Variants in AIRE observed in about 807,000 individuals in gnomAD.
The protein encoded by AIRE is autoimmune regulator.
Under a neutral mutation model 62.1 loss-of-function variants are expected in AIRE, and 52 were observed. That is an observed-to-expected ratio of 0.84 (90% CI 0.67 to 1.06). The LOEUF (loss-of-function observed/expected upper bound fraction) is 1.06. Ranked by LOEUF, AIRE falls within the 50% of genes least tolerant of loss-of-function variation. The probability of loss-of-function intolerance (pLI) is 0.00; values close to 1 mark genes in which losing one functional copy is unlikely to be tolerated. For missense variants in AIRE, 774 were observed against 755.8 expected, an observed-to-expected ratio of 1.02 and a Z score of -0.28; for synonymous variants, 342 against 321.6, an observed-to-expected ratio of 1.06 and a Z score of -0.68.
intron 7 of AIRE, chr21:44,290,709 A>G (rs1394519861): frequency 7.4e-7 from 1 of 1,350,570 alleles, no homozygotes; most frequent in Non-Finnish European, 9.8e-7. Context: ...CAGGCAGGGC[A>G]CAAGGACGGT....
At position 44,286,897 on chromosome 21, in the gene AIRE, C is replaced by T; in HGVS notation, c.308-81C>T. 1 of 1,601,090 alleles carries T rather than the reference C, an allele frequency of 6.2e-7. No individual in the cohort carries two copies. Among genetic ancestry groups the T allele is most frequent in the Non-Finnish European group, 8.5e-7 (1 of 1,170,624 alleles). ...AGGGGCCAGGCCTCACCTGTCTGGC[C>T]AAGGTGTCCAGTTCTGGGGCCCACC... On this transcript the variant is annotated intron_variant, in intron 2 of 13. Transcript: ENST00000291582. The surrounding 1 kb of genome is among the most constrained non-coding windows in gnomAD (Gnocchi z 6.0).
Position 44,293,822 on chromosome 21 carries a change from GGAGAT to G in AIRE, c.1314_1318del (p.Asp439TyrfsTer63). The G allele has an allele frequency of 6.3e-7, 1 of 1,596,824 alleles. No homozygotes were observed. Among genetic ancestry groups the G allele is most frequent in the Non-Finnish European group, 8.5e-7 (1 of 1,179,588 alleles). The stretch of plus-strand genomic sequence containing the variant: ...TCCTGGTGCGCGTTGCGGGGTGTGC[GGAGAT>G]GGTACGGACGTGCTGCGGTGTACTC... On this transcript the variant is annotated frameshift_variant, in exon 11 of 14. Coordinates refer to ENST00000291582, the MANE Select transcript of AIRE (RefSeq NM_000383.4). LOFTEE classifies it high-confidence loss of function.
intron 9 of AIRE, 63 bp downstream of exon 9, chr21:44,292,464 A>C: frequency 8.7e-7 from 1 of 1,143,074 alleles, no homozygotes; most frequent in Non-Finnish European, 1.2e-6. Flanking sequence ...GCCCCCTCCT[A>C]GGCTGGGCCA....
At chr21:44,290,837 G>A in intron 7 of AIRE, 1 of 1,579,598 alleles carries the variant, frequency 6.3e-7, no homozygotes, top group African/African-American at 1.3e-5. Flanking sequence ...CGGGGCCCCT[G>A]GAACGCAGCA....
Position 44,292,390 on chromosome 21 carries a change from G to T in AIRE, c.1084G>T (p.Val362Leu), listed in dbSNP as rs763954225. 26 of 1,554,024 alleles carry T rather than the reference G, an allele frequency of 1.7e-5. No homozygotes were observed. The highest frequency in any genetic ancestry group is 1.8e-4 in the Middle Eastern group (1 of 5,608). ...GGAGCCCCGGCCCCAGGAGCCACCCGTGGAGACCCCGGTATGGCCACGCCC... is the reference window on the plus strand; with the variant it reads ...GGAGCCCCGGCCCCAGGAGCCACCCTTGGAGACCCCGGTATGGCCACGCCC... ...AEEPRPQEPP[V>L]ETPLPPGLRS... Residue 362 changes from valine (V) to leucine (L), a missense_variant, in exon 9 of 14, where the codon GTG becomes TTG. Val to Leu is a conservative substitution (Grantham distance 32, BLOSUM62 1). Around this residue, in one of 3 missense-constraint regions of AIRE, gnomAD observed 354 missense variants for 296.1 expected, o/e 1.20. Coordinates refer to ENST00000291582, the MANE Select transcript of AIRE (RefSeq NM_000383.4).
intron 5 of AIRE, 172 bp from the exon 6 acceptor site, chr21:44,289,485 G>GA (rs1409018718): frequency 1.7e-5 from 14 of 808,974 alleles, no homozygotes; most frequent in Non-Finnish European, 2.7e-5. Context: ...CCCTGGTGTA[G>GA]ATCCAGGACA....
At position 44,298,626 on chromosome 21, in the gene AIRE, A is replaced by G. The variant is rs1266522031; in HGVS notation, c.*899A>G. ...CAAATATCTGTGTGAGTCTTTGAGTAAAATCGCTGGATCACATGGTAATTA... is the reference window on the plus strand; with the variant it reads ...CAAATATCTGTGTGAGTCTTTGAGTGAAATCGCTGGATCACATGGTAATTA... On this transcript the variant is annotated 3_prime_UTR_variant, in exon 14 of 14. Transcript: ENST00000291582. 2.0e-5 allele frequency: 3 copies of G among 152,226 alleles called. No individual in the cohort carries two copies. The highest frequency in any genetic ancestry group is 7.2e-5 in the African/African-American group (3 of 41,440). 9.4% of individuals were successfully genotyped at this position (152,226 alleles called of 1,614,324 possible). A position where few individuals can be genotyped will look rare whatever the true frequency, so the allele number is the denominator to read the frequency against.
chr21:44,286,921 C>T lies in AIRE; in HGVS notation c.308-57C>T. ...CCAAGGTGTCCAGTTCTGGGGCCCA[C>T]CCTACCCCTGGAGAAAACCCTGAGG... is the stretch of plus-strand genomic sequence containing the variant. On this transcript the variant is annotated intron_variant, in intron 2 of 13. Transcript: ENST00000291582. The surrounding 1 kb of genome is among the most constrained non-coding windows in gnomAD (Gnocchi z 6.0). The T allele has an allele frequency of 2.5e-6, 4 of 1,610,976 alleles. No individual in the cohort carries two copies. Among genetic ancestry groups the T allele is most frequent in the East Asian group, 2.2e-5 (1 of 44,868 alleles).
intron 12 of AIRE, among the ~76,000 whole-genome samples, chr21:44,295,104 G>A (rs577106882): frequency 6.6e-6 from 1 of 152,194 alleles, no homozygotes; most frequent in Non-Finnish European, 1.5e-5. Context: ...CTCCGGGGGG[G>A]TGGCCTCTTG....
At position 44,290,645 on chromosome 21, in the gene AIRE, G is replaced by C. The variant is rs2073610; in HGVS notation, c.880-450G>C. ...CCAGCCTAGCCTGGCTGTCTGGGGG[G>C]ATTCTGGAGGAAGTGGTACCTGGGA... On this transcript the variant is annotated intron_variant, in intron 7 of 13. Coordinates refer to ENST00000291582, the MANE Select transcript of AIRE (RefSeq NM_000383.4). 0.035 allele frequency: 38,511 copies of C among 1,105,354 alleles called. 2,578 individuals carry two copies. In the East Asian group the frequency reaches 0.37, roughly 11 times the overall value. The allele number at this position is 1,105,354 out of a possible 1,614,324, so 68.5% of individuals were successfully genotyped here.
At chr21:44,290,145 C>G in intron 7 of AIRE, 77 bp downstream of exon 7, 1 of 1,550,162 alleles carries the variant, frequency 6.5e-7, no homozygotes, top group Non-Finnish European at 8.8e-7. Flanking sequence ...TCTGCCTTTA[C>G]CTGGGCACTC....
At position 44,293,112 on chromosome 21, in the gene AIRE, G is replaced by A. The variant is rs72650676; in HGVS notation, c.1215G>A (p.Pro405=). ...TGCCGGCTCCGCCTTCTGCAGCCCC[G>A]CTGCCAGGGCTGGACTCCTCGGCCC... The part of the protein sequence containing the change: ...KHLPAPPSAA[P]LPGLDSSALH... Residue 405 remains proline (P), a synonymous_variant, in exon 10 of 14, where the codon CCG becomes CCA. Coordinates refer to ENST00000291582, the MANE Select transcript of AIRE (RefSeq NM_000383.4). The A allele has an allele frequency of 9.0e-4, 1,444 of 1,603,960 alleles. 3 individuals are homozygous for A. Among genetic ancestry groups the A allele is most frequent in the Non-Finnish European group, 1.1e-3 (1,320 of 1,176,122 alleles).
In AIRE at chr21:44,287,754, G is replaced by A. The variant is rs199774882; in HGVS notation, c.538+163G>A. Among the ~76,000 whole-genome samples the A allele has an allele frequency of 2.0e-5, 3 of 152,224 alleles. No individual in the cohort carries two copies. In the East Asian group the frequency reaches 5.8e-4, roughly 29 times the overall value. On this transcript the variant is annotated intron_variant, in intron 4 of 13. Transcript: ENST00000291582. This position sits in a 1 kb window ranked among gnomAD's most constrained non-coding sequence, Gnocchi z 4.3. ...TAAGCTGCACCACCAGACCCAGGAA[G>A]GGGACACCTTGGGTCTAAGCATGAT... is the stretch of plus-strand genomic sequence containing the variant.
intron 13 of AIRE, 134 bp downstream of exon 13, chr21:44,296,579 G>T (rs763156704): frequency 2.2e-4 from 194 of 869,904 alleles, no homozygotes; most frequent in Middle Eastern, 1.0e-3. Flanking sequence ...GGCTGTCCCT[G>T]CTCCACCCAC....
chr21:44,288,256 C>T lies in AIRE; in HGVS notation c.539-89C>T. On this transcript the variant is annotated intron_variant, in intron 4 of 13. Transcript: ENST00000291582. ...CCCTGGCTGGAAGGAAAGGGCTCTG[C>T]AGCCCAGTGCTGCCTGCTTCTGGCA... The T allele has an allele frequency of 2.7e-6, 3 of 1,109,228 alleles. No homozygotes were observed. The South Asian group carries it at 3.7e-5, about 14-fold the overall frequency. 68.7% of individuals were successfully genotyped at this position (1,109,228 alleles called of 1,614,324 possible). A position where few individuals can be genotyped will look rare whatever the true frequency, so the allele number is the denominator to read the frequency against.
chr21:44,289,855 G>A lies in AIRE; in HGVS notation c.798+53G>A, dbSNP rs1601966739. 9.9e-6 allele frequency: 16 copies of A among 1,610,922 alleles called. No homozygotes were observed. The East Asian group carries it at 3.6e-4, about 36-fold the overall frequency. On this transcript the variant is annotated intron_variant, in intron 6 of 13. Coordinates refer to ENST00000291582, the MANE Select transcript of AIRE (RefSeq NM_000383.4). The stretch of plus-strand genomic sequence containing the variant: ...CTGGCTCTTGATGCCCCCCGCCCCA[G>A]GAACAGCGTTGCCTCTGGGGGAGTG...
chr21:44,296,505 A>G, intron 13 of AIRE, 60 bp downstream of exon 13: 1 of 1,499,140 alleles, frequency 6.7e-7, no homozygotes, highest in Non-Finnish European at 9.2e-7. Flanking sequence ...CTCAGCCGGC[A>G]CCCAGGCTCC....
At chr21:44,292,871 A>G in intron 9 of AIRE, 122 bp from the exon 10 acceptor site, 1 of 817,746 alleles carries the variant, frequency 1.2e-6, no homozygotes, top group Non-Finnish European at 2.0e-6. Flanking sequence ...CTCCGCCCCC[A>G]CCATGCCAGG....
Position 44,293,800 on chromosome 21 carries a change from T to C in AIRE, c.1290T>C (p.Pro430=), listed in dbSNP as rs2146384499. Reference sequence around the variant, plus strand: ...GTTGCCTCCCACAGAACCTGGCTCCTGGTGCGCGTTGCGGGGTGTGCGGAG... The same window carrying C: ...GTTGCCTCCCACAGAACCTGGCTCCCGGTGCGCGTTGCGGGGTGTGCGGAG... ...VGPEGQQNLA[P]GARCGVCGDG... Residue 430 remains proline (P), a synonymous_variant, in exon 11 of 14, where the codon CCT becomes CCC. Coordinates refer to ENST00000291582, the MANE Select transcript of AIRE (RefSeq NM_000383.4). 1.3e-6 allele frequency: 2 copies of C among 1,596,444 alleles called. No homozygotes were observed. The highest frequency in any genetic ancestry group is 1.7e-6 in the Non-Finnish European group (2 of 1,179,506).
Sources: allele counts gnomAD v4.1 joint callset (sites outside exome capture counted in the v4.1 genomes callset), GRCh38; gene constraint gnomAD v4.1.1; regional missense constraint gnomAD v4.1.1; non-coding constraint Gnocchi (gnomAD v3.1); transcripts MANE v1.5; gene names NCBI Gene and HGNC (gene_info 2026-07-23, HGNC 2026-07-21).